The following EFCAB3 variants were observed in gnomAD, a reference collection of about 807,000 sequenced individuals.
EFCAB3 encodes the protein EF-hand calcium-binding domain-containing protein 3.
A neutral mutation model predicts 42.2 loss-of-function variants in EFCAB3; 36 were observed. The observed-to-expected ratio is 0.85, with a 90% CI of 0.65 to 1.13. EFCAB3 has a LOEUF of 1.13. Among genes scored for constraint, EFCAB3 ranks in the 50% most tolerant of loss-of-function variants. The pLI, the probability that EFCAB3 is intolerant of heterozygous loss-of-function variation, is 0.00. For missense variants in EFCAB3, 418 were observed against 505.1 expected, an observed-to-expected ratio of 0.83 and a Z score of 1.65; for synonymous variants, 170 against 172.8, an observed-to-expected ratio of 0.98 and a Z score of 0.13.
chr17:62,384,198 G>A (rs1368876457), intron 2 of EFCAB3, among the ~76,000 whole-genome samples: 1 of 152,124 alleles, frequency 6.6e-6, no homozygotes, highest in Middle Eastern at 3.2e-3. Flanking sequence ...TACATTAGAT[G>A]GAAGGCTGGA....
upstream of EFCAB3, among the ~76,000 whole-genome samples, chr17:62,379,146 G>C (rs1388630395): frequency 6.6e-6 from 1 of 152,122 alleles, no homozygotes; most frequent in East Asian, 1.9e-4. Context: ...AATAAGGCTG[G>C]GCATGGTAGC....
At chr17:62,386,117 A>T (rs1298381758) in intron 2 of EFCAB3, among the ~76,000 whole-genome samples, 1 of 152,136 alleles carries the variant, frequency 6.6e-6, no homozygotes. Context: ...TATCAAAACT[A>T]AATGCATTTT....
Position 62,416,206 on chromosome 17 carries a change from T to C in EFCAB3, c.1194T>C (p.Asp398=). The C allele has an allele frequency of 6.2e-7, 1 of 1,613,900 alleles. No homozygotes were observed. The highest frequency in any genetic ancestry group is 8.5e-7 in the Non-Finnish European group (1 of 1,179,790). The change falls in exon 10 of 10, where the codon GAT becomes GAC. Residue 398 remains aspartate (D), a synonymous_variant. Transcript: ENST00000305286. Reference sequence around the variant, plus strand: ...CTCCTAAGGACTTAAGGTTATATGATGCCTATGTGAATAGAAATTCCTCCC... The same window carrying C: ...CTCCTAAGGACTTAAGGTTATATGACGCCTATGTGAATAGAAATTCCTCCC... ...LLSPKDLRLY[D]AYVNRNSSHN...
intron 3 of EFCAB3, among the ~76,000 whole-genome samples, chr17:62,389,437 C>G (rs1598010381): frequency 6.6e-6 from 1 of 152,192 alleles, no homozygotes; most frequent in African/African-American, 2.4e-5. Flanking sequence ...CCCCAGATAT[C>G]AAAACATCAA....
intron 6 of EFCAB3, 65 bp from the exon 7 acceptor site, chr17:62,406,415 G>C: frequency 2.1e-6 from 3 of 1,395,972 alleles, no homozygotes; most frequent in Non-Finnish European, 1.9e-6. Flanking sequence ...CTAGCAACTT[G>C]ACTTTTTAAA....
chr17:62,391,653 G>T (rs1027147777), intron 3 of EFCAB3, among the ~76,000 whole-genome samples, 169 bp from the exon 4 acceptor site: 1 of 152,084 alleles, frequency 6.6e-6, no homozygotes, highest in Non-Finnish European at 1.5e-5. Flanking sequence ...TTCAAGTTCC[G>T]TGGAAGGATA....
At position 62,392,991 on chromosome 17, in the gene EFCAB3, T is replaced by C. The variant is rs183714290; in HGVS notation, c.296-582T>C. Among the ~76,000 whole-genome samples, 268 of 152,318 alleles carry C rather than the reference T, an allele frequency of 1.8e-3. 1 individual carries two copies. Among genetic ancestry groups the C allele is most frequent in the African/African-American group, 6.1e-3 (254 of 41,582 alleles). On this transcript the variant is annotated intron_variant, in intron 4 of 9. Transcript: ENST00000305286. ...CCGAATTATTAGTAGCCCAAACTGA[T>C]ATGCTGTGTGAAAAATATATTCAGC...
intron 5 of EFCAB3, 52 bp downstream of exon 5, chr17:62,393,696 C>A (rs886096843): frequency 4.1e-6 from 6 of 1,463,952 alleles, no homozygotes; most frequent in Non-Finnish European, 5.7e-6. Context: ...CAACTCACTG[C>A]ACAGCAAACA....
intron 3 of EFCAB3, among the ~76,000 whole-genome samples, 183 bp from the exon 4 acceptor site, chr17:62,391,639 C>G (rs2070303002): frequency 6.6e-6 from 1 of 152,170 alleles, no homozygotes. Context: ...TTAGTTCATT[C>G]CAGTTCAAGT....
chr17:62,390,525 C>A (rs934678562), intron 3 of EFCAB3, among the ~76,000 whole-genome samples: 4 of 152,126 alleles, frequency 2.6e-5, no homozygotes, highest in African/African-American at 9.7e-5. Context: ...ATCTAGTTTA[C>A]CTATTTATTA....
chr17:62,403,857 T>A (rs1052862155), intron 6 of EFCAB3, among the ~76,000 whole-genome samples: 1 of 152,140 alleles, frequency 6.6e-6, no homozygotes, highest in African/African-American at 2.4e-5. Flanking sequence ...ACCACATTGC[T>A]CAAGCTGGTC....
At chr17:62,379,960 G>A (rs1026989118), upstream of EFCAB3, among the ~76,000 whole-genome samples, 1 of 152,192 alleles carries the variant, frequency 6.6e-6, no homozygotes, top group African/African-American at 2.4e-5. Context: ...AGGCAGCTGA[G>A]TAAAATGTTT....
intron 2 of EFCAB3, among the ~76,000 whole-genome samples, chr17:62,384,083 T>C (rs1281834175): frequency 6.6e-6 from 1 of 152,226 alleles, no homozygotes; most frequent in African/African-American, 2.4e-5. Context: ...AGTGTATCTT[T>C]TCTAGTGTCC....
upstream of EFCAB3, among the ~76,000 whole-genome samples, chr17:62,379,053 A>G (rs889148810): frequency 6.6e-6 from 1 of 152,190 alleles, no homozygotes; most frequent in Non-Finnish European, 1.5e-5. Context: ...AAGACAACCC[A>G]CAGAATAGGG....
At chr17:62,385,716 CTTTTTTTTT>C (rs35067521) in intron 2 of EFCAB3, among the ~76,000 whole-genome samples, 3 of 77,550 alleles carry the variant, frequency 3.9e-5, no homozygotes, top group South Asian at 5.2e-4. Context: ...TCTAGTTTTA[CTTTTTTTTT>C]TTTTTTTTTT....
rs2070518680 is a variant in EFCAB3, at chr17:62,413,636, C to A, written c.868-96C>A. Reference sequence around the variant, plus strand: ...ATAACCTTATAAATTATATACAAATCCTTCTATAATAAAATATACTTATTT... The same window carrying A: ...ATAACCTTATAAATTATATACAAATACTTCTATAATAAAATATACTTATTT... On this transcript the variant is annotated intron_variant, in intron 8 of 9. Transcript: ENST00000305286. 6 of 1,064,174 alleles carry A rather than the reference C, an allele frequency of 5.6e-6. No homozygotes were observed. In the East Asian group the frequency reaches 1.1e-4, roughly 19 times the overall value. 65.9% of individuals were successfully genotyped at this position (1,064,174 alleles called of 1,614,324 possible).
chr17:62,372,763 A>C (rs2070123099), intron 1 of EFCAB3, among the ~76,000 whole-genome samples: 1 of 152,124 alleles, frequency 6.6e-6, no homozygotes, highest in Non-Finnish European at 1.5e-5. Context: ...ATGGTCAGAA[A>C]CCTTCATGAC....
At chr17:62,376,799 C>A (rs1024061676), upstream of EFCAB3, among the ~76,000 whole-genome samples, 1 of 152,196 alleles carries the variant, frequency 6.6e-6, no homozygotes, top group Non-Finnish European at 1.5e-5. Context: ...GAACTTCACT[C>A]TGGCCTTCAG....
At chr17:62,402,459 G>A (rs11079477) in intron 6 of EFCAB3, among the ~76,000 whole-genome samples, 8 of 152,046 alleles carry the variant, frequency 5.3e-5, no homozygotes, top group Non-Finnish European at 8.8e-5. Flanking sequence ...TTTGAAATAC[G>A]TCCCATCAAT....
Sources: allele counts gnomAD v4.1 joint callset (sites outside exome capture counted in the v4.1 genomes callset), GRCh38; gene constraint gnomAD v4.1.1; transcripts MANE v1.5; gene names NCBI Gene and HGNC (gene_info 2026-07-23, HGNC 2026-07-21).